Variants in AMD1 observed in about 807,000 individuals in gnomAD.
The protein encoded by AMD1 is adenosylmethionine decarboxylase 1.
A neutral mutation model predicts 40.2 loss-of-function variants in AMD1; 11 were observed. The observed-to-expected ratio is 0.27, with a 90% CI of 0.17 to 0.45. The LOEUF is 0.45. Ranked by LOEUF, AMD1 falls within the 20% of genes least tolerant of loss-of-function variation. The pLI is 1.00. For synonymous variants in AMD1, 121 were observed against 130.8 expected (o/e 0.93, Z 0.51); for missense variants, 257 against 410.2 (o/e 0.63, Z 3.23).
the AMD1 span, among the ~76,000 whole-genome samples, chr6:110,834,603 G>C: frequency 2.0e-5 from 3 of 152,008 alleles, no homozygotes; most frequent in Non-Finnish European, 2.9e-5. Context: ...CAGGAAGATT[G>C]CTTGAGCTCA....
the AMD1 span, among the ~76,000 whole-genome samples, chr6:110,821,777 A>G: frequency 0.032 from 4,847 of 152,342 alleles, 120 homozygotes; most frequent in Non-Finnish European, 0.052. Flanking sequence ...TAATAGTGAC[A>G]TAAGTTATCA....
rs150139785 is a variant in AMD1, at chr6:110,891,803, C to T, written c.428-358C>T. 4.5e-5 allele frequency: 11 copies of T among 245,018 alleles called. No individual in the cohort carries two copies. In the East Asian group the frequency reaches 7.0e-4, roughly 16 times the overall value. The allele number at this position is 245,018 out of a possible 1,614,324, so 15.2% of individuals were successfully genotyped here. A position where few individuals can be genotyped will look rare whatever the true frequency, so the allele number is the denominator to read the frequency against. ...TGTCACCCAGGCTGGAGTGGAGTGGCGTGATCTTGGCTCACTGCAACCTCC... is the reference window on the plus strand; with the variant it reads ...TGTCACCCAGGCTGGAGTGGAGTGGTGTGATCTTGGCTCACTGCAACCTCC... On this transcript the variant is annotated intron_variant, in intron 4 of 8. Transcript: ENST00000368885.
the AMD1 span, among the ~76,000 whole-genome samples, chr6:110,849,472 G>T: frequency 6.6e-6 from 1 of 152,116 alleles, no homozygotes; most frequent in Admixed American, 6.6e-5. Context: ...TCATTAAAAA[G>T]GGCTAACTTG....
intron 1 of AMD1, among the ~76,000 whole-genome samples, chr6:110,883,320 GT>G (rs896964050): frequency 5.9e-5 from 9 of 152,058 alleles, no homozygotes; most frequent in African/African-American, 1.9e-4. Flanking sequence ...TGAATTTCCT[GT>G]TTTTTTTCCC....
the AMD1 span, among the ~76,000 whole-genome samples, chr6:110,817,445 T>C: frequency 1.3e-5 from 2 of 152,080 alleles, no homozygotes; most frequent in Admixed American, 6.5e-5. Context: ...CTGCCTCTTA[T>C]TAAAAATGCA....
chr6:110,892,131 T>C (rs770525123), intron 4 of AMD1, 30 bp from the exon 5 acceptor site: 2 of 1,610,828 alleles, frequency 1.2e-6, no homozygotes, highest in Non-Finnish European at 1.7e-6. Context: ...GGATGTGTTA[T>C]ATTTATTTTG....
chr6:110,864,961 C>G, the AMD1 span, among the ~76,000 whole-genome samples: 5 of 152,362 alleles, frequency 3.3e-5, no homozygotes, highest in Admixed American at 1.3e-4. Context: ...CAGGGAAACA[C>G]TTCACATCAC....
chr6:110,859,261 C>T, the AMD1 span: 1 of 405,968 alleles, frequency 2.5e-6, no homozygotes, highest in African/African-American at 2.0e-5. Flanking sequence ...AACCCAGGGT[C>T]TGTGAGTGGC....
At chr6:110,881,247 A>G (rs946362652) in intron 1 of AMD1, among the ~76,000 whole-genome samples, 5 of 152,150 alleles carry the variant, frequency 3.3e-5, no homozygotes, top group Admixed American at 2.0e-4. Flanking sequence ...CAGATAATTC[A>G]CTGTTGTCAA....
chr6:110,869,946 C>T (rs1398208799), upstream of AMD1, among the ~76,000 whole-genome samples: 5 of 151,652 alleles, frequency 3.3e-5, no homozygotes, highest in South Asian at 2.1e-4. Flanking sequence ...TGGGGGGTCT[C>T]GCTATGTTAC....
the AMD1 span, among the ~76,000 whole-genome samples, chr6:110,862,379 G>T: frequency 2.7e-5 from 4 of 148,580 alleles, no homozygotes; most frequent in Non-Finnish European, 6.0e-5. Context: ...ATTTGTATGG[G>T]GTATAATGAT....
chr6:110,886,954 C>A (rs779856162), intron 1 of AMD1, among the ~76,000 whole-genome samples: 1 of 152,188 alleles, frequency 6.6e-6, no homozygotes, highest in Non-Finnish European at 1.5e-5. Flanking sequence ...TCCTGTTAAA[C>A]GGGCTTTCTC....
chr6:110,845,038 C>CTT, the AMD1 span, among the ~76,000 whole-genome samples: 12,536 of 122,080 alleles, frequency 0.1, 919 homozygotes, highest in East Asian at 0.23. Flanking sequence ...TGCCACAGAC[C>CTT]TTTTTTTTTT....
the AMD1 span, among the ~76,000 whole-genome samples, chr6:110,847,326 C>T: frequency 2.4e-4 from 37 of 152,140 alleles, no homozygotes; most frequent in African/African-American, 8.9e-4. Context: ...GAGATTGAGA[C>T]CATCCTGGCT....
At chr6:110,822,022 G>A in the AMD1 span, among the ~76,000 whole-genome samples, 2 of 152,074 alleles carry the variant, frequency 1.3e-5, no homozygotes, top group Admixed American at 6.6e-5. Flanking sequence ...AATGAAACAG[G>A]TGTTTCCTTG....
the AMD1 span, among the ~76,000 whole-genome samples, chr6:110,857,068 G>A: frequency 6.6e-6 from 1 of 152,072 alleles, no homozygotes; most frequent in Non-Finnish European, 1.5e-5. Flanking sequence ...GGAGGCTGAG[G>A]CAGGATAATC....
At chr6:110,861,232 C>T in the AMD1 span, among the ~76,000 whole-genome samples, 1 of 151,902 alleles carries the variant, frequency 6.6e-6, no homozygotes, top group Non-Finnish European at 1.5e-5. Flanking sequence ...GTGGCGGGCG[C>T]CTGTAGTCCC....
chr6:110,844,928 A>G, the AMD1 span, among the ~76,000 whole-genome samples: 1 of 152,084 alleles, frequency 6.6e-6, no homozygotes, highest in Non-Finnish European at 1.5e-5. Flanking sequence ...AGCCTCACGA[A>G]GCTTCTAATC....
chr6:110,875,721 GGAGGGGCCCTCCCGGCCTTGTCT>G (rs1785067856), intron 1 of AMD1: 1 of 152,694 alleles, frequency 6.5e-6, no homozygotes, highest in South Asian at 2.0e-4. Flanking sequence ...GGCGCGGATA[GGAGGGGCCCTCCCGGCCTTGTCT>G]GAGGGGCTGG....
Sources: allele counts gnomAD v4.1 joint callset (sites outside exome capture counted in the v4.1 genomes callset), GRCh38; gene constraint gnomAD v4.1.1; transcripts MANE v1.5; gene names NCBI Gene and HGNC (gene_info 2026-07-23, HGNC 2026-07-21).